The following CPQ variants were observed in gnomAD, a reference collection of about 807,000 sequenced individuals.
CPQ encodes Ser-Met dipeptidase.
In CPQ, 37 loss-of-function variants were observed where a neutral mutation model predicts 45.7. The ratio of observed to expected loss-of-function variants is 0.81; its 90% CI spans 0.62 to 1.07. The LOEUF is 1.07. CPQ is among the 50% of genes least tolerant of loss of function. The pLI, the probability that CPQ is intolerant of heterozygous loss-of-function variation, is 0.00. For missense variants in CPQ, 537 were observed against 572.9 expected, an observed-to-expected ratio of 0.94 and a Z score of 0.64; for synonymous variants, 186 against 205.8, an observed-to-expected ratio of 0.90 and a Z score of 0.82.
Position 96,904,908 on chromosome 8 carries a change from C to T in CPQ, c.849+24903C>T, listed in dbSNP as rs371352642. ...ACAGCAGCCCTGTATGAGCTGATTA[C>T]TGTATAGGGTCATTTGTAAGCATGG... is the stretch of plus-strand genomic sequence containing the variant. On this transcript the variant is annotated intron_variant, in intron 4 of 7. Transcript: ENST00000220763. 3.6e-4 allele frequency among the ~76,000 whole-genome samples: 55 copies of T among 152,212 alleles called. 1 individual carries two copies. The East Asian group carries it at 8.0e-3, about 22-fold the overall frequency.
At chr8:96,746,256 G>A (rs1477961231) in intron 1 of CPQ, among the ~76,000 whole-genome samples, 1 of 152,136 alleles carries the variant, frequency 6.6e-6, no homozygotes, top group Non-Finnish European at 1.5e-5. Flanking sequence ...AAAGCTGAGA[G>A]ACTCCATTTA....
At chr8:96,793,501 G>T (rs1331231446) in intron 2 of CPQ, among the ~76,000 whole-genome samples, 1 of 152,072 alleles carries the variant, frequency 6.6e-6, no homozygotes, top group Non-Finnish European at 1.5e-5. Flanking sequence ...CCTCCCACTG[G>T]GTCCTTCCCA....
chr8:97,085,064 C>T (rs990652892), intron 7 of CPQ, among the ~76,000 whole-genome samples: 1 of 152,002 alleles, frequency 6.6e-6, no homozygotes, highest in East Asian at 1.9e-4. Context: ...TGGGGTCAGA[C>T]TTCTTTATAT....
chr8:96,774,725 G>T (rs1434745721), intron 1 of CPQ, among the ~76,000 whole-genome samples: 1 of 152,170 alleles, frequency 6.6e-6, no homozygotes, highest in Non-Finnish European at 1.5e-5. Context: ...TCTGAGTTTG[G>T]TGTTGGATAT....
intron 4 of CPQ, among the ~76,000 whole-genome samples, chr8:96,940,549 A>C (rs1208419168): frequency 6.6e-6 from 1 of 152,180 alleles, no homozygotes; most frequent in Non-Finnish European, 1.5e-5. Flanking sequence ...CAAATGAATT[A>C]TTACTGTGTA....
intron 1 of CPQ, among the ~76,000 whole-genome samples, chr8:96,739,703 A>G (rs1810053114): frequency 1.3e-5 from 2 of 150,610 alleles, no homozygotes; most frequent in Admixed American, 6.6e-5. Context: ...TCCCAGCACC[A>G]TGTATTAAAT....
At chr8:97,065,277 C>T (rs1243426785) in intron 6 of CPQ, among the ~76,000 whole-genome samples, 1 of 152,144 alleles carries the variant, frequency 6.6e-6, no homozygotes, top group Non-Finnish European at 1.5e-5. Flanking sequence ...CTATTATATT[C>T]TAAATTTGTG....
chr8:96,710,469 T>C (rs1809592038), intron 1 of CPQ, among the ~76,000 whole-genome samples: 2 of 152,212 alleles, frequency 1.3e-5, no homozygotes, highest in Admixed American at 1.3e-4. Flanking sequence ...TCAGGCTATT[T>C]GATGCAAGCA....
intron 4 of CPQ, among the ~76,000 whole-genome samples, chr8:96,922,055 G>T (rs145045212): frequency 9.2e-5 from 14 of 151,746 alleles, no homozygotes; most frequent in Non-Finnish European, 2.1e-4. Flanking sequence ...ATTTTTCCCC[G>T]TAAGAGTAGC....
At chr8:97,079,226 T>C (rs112323227) in intron 7 of CPQ, among the ~76,000 whole-genome samples, 1 of 152,202 alleles carries the variant, frequency 6.6e-6, no homozygotes, top group Non-Finnish European at 1.5e-5. Context: ...ATATGATTTA[T>C]GAATTACCTT....
At chr8:97,133,910 T>A (rs1812003055) in intron 7 of CPQ, among the ~76,000 whole-genome samples, 1 of 152,176 alleles carries the variant, frequency 6.6e-6, no homozygotes, top group Non-Finnish European at 1.5e-5. Context: ...TTTTAAGTCA[T>A]GAATAATTTT....
At chr8:96,721,894 C>T (rs1009043697) in intron 1 of CPQ, among the ~76,000 whole-genome samples, 4 of 151,994 alleles carry the variant, frequency 2.6e-5, no homozygotes, top group East Asian at 1.9e-4. Context: ...TTTCTTTTTC[C>T]GGAATTCCTA....
At chr8:96,720,345 A>G (rs1050738150) in intron 1 of CPQ, among the ~76,000 whole-genome samples, 1 of 152,086 alleles carries the variant, frequency 6.6e-6, no homozygotes, top group Non-Finnish European at 1.5e-5. Context: ...TGTATGAGGG[A>G]CATTGTAGAC....
At chr8:96,821,429 A>T (rs1002165921) in intron 2 of CPQ, among the ~76,000 whole-genome samples, 2 of 151,804 alleles carry the variant, frequency 1.3e-5, no homozygotes, top group African/African-American at 4.8e-5. Context: ...TAGGACTTCT[A>T]TTGAAATATT....
At position 97,084,812 on chromosome 8, in the gene CPQ, C is replaced by CTGTGTG. The variant is rs140213784; in HGVS notation, c.1255+18622_1255+18627dup. Among the ~76,000 whole-genome samples the CTGTGTG allele has an allele frequency of 4.3e-3, 647 of 150,530 alleles. 1 individual carries two copies. Among genetic ancestry groups the CTGTGTG allele is most frequent in the Admixed American group, 0.013 (195 of 15,120 alleles). The stretch of plus-strand genomic sequence containing the variant: ...TCCTTTATTATGATGTGTGTATACT[C>CTGTGTG]TGTGTGTGTGTGTGTGTGTGTGTGT... On this transcript the variant is annotated intron_variant, in intron 7 of 7. Coordinates refer to ENST00000220763, the MANE Select transcript of CPQ (RefSeq NM_016134.4).
At chr8:96,660,947 TG>T (rs1227695872) in intron 1 of CPQ, among the ~76,000 whole-genome samples, 1 of 152,234 alleles carries the variant, frequency 6.6e-6, no homozygotes, top group Non-Finnish European at 1.5e-5. Flanking sequence ...GAATTTATTT[TG>T]TTTTATATGA....
At chr8:97,052,261 A>G (rs1329819082) in intron 6 of CPQ, among the ~76,000 whole-genome samples, 1 of 152,180 alleles carries the variant, frequency 6.6e-6, no homozygotes, top group East Asian at 1.9e-4. Flanking sequence ...AGTAATTGCT[A>G]TAATTCCTTA....
intron 2 of CPQ, among the ~76,000 whole-genome samples, chr8:96,794,483 G>GT (rs1256359222): frequency 6.6e-6 from 1 of 152,284 alleles, no homozygotes; most frequent in East Asian, 1.9e-4. Context: ...TAGGCCTTCA[G>GT]GCCTGTAATG....
intron 1 of CPQ, among the ~76,000 whole-genome samples, chr8:96,682,273 A>G (rs776870615): frequency 5.3e-5 from 8 of 151,950 alleles, no homozygotes; most frequent in African/African-American, 7.3e-5. Flanking sequence ...ACGAGAGTGG[A>G]TTTTTCTTGT....
Sources: allele counts gnomAD v4.1 joint callset (sites outside exome capture counted in the v4.1 genomes callset), GRCh38; gene constraint gnomAD v4.1.1; transcripts MANE v1.5; gene names NCBI Gene and HGNC (gene_info 2026-07-23, HGNC 2026-07-21).